L3MBTL3: variants seen among roughly 807,000 people sequenced by gnomAD.
The protein encoded by L3MBTL3 is lethal(3)malignant brain tumor-like protein 3.
L3MBTL3 carries 27 observed loss-of-function variants against 102.3 expected under a neutral mutation model. The observed-to-expected ratio is 0.26, with a 90% confidence interval of 0.19 to 0.36. The LOEUF is 0.36. Among genes scored for constraint, L3MBTL3 ranks in the 10% least tolerant of loss-of-function variants. The probability of loss-of-function intolerance (pLI) is 1.00; values close to 1 mark genes in which losing one functional copy is unlikely to be tolerated. For synonymous variants in L3MBTL3, 340 were observed against 320.9 expected, an observed-to-expected ratio of 1.06 and a Z score of -0.64; for missense variants, 798 against 955.3, an observed-to-expected ratio of 0.84 and a Z score of 2.17.
At chr6:130,021,680 A>G (rs944761304) in intron 1 of L3MBTL3, among the ~76,000 whole-genome samples, 2 of 152,192 alleles carry the variant, frequency 1.3e-5, no homozygotes, top group African/African-American at 2.4e-5. Context: ...TGAGCTGTTC[A>G]TTTTACTGTC....
At chr6:130,067,926 C>T (rs1002284298) in intron 11 of L3MBTL3, among the ~76,000 whole-genome samples, 2 of 152,118 alleles carry the variant, frequency 1.3e-5, no homozygotes, top group Admixed American at 6.5e-5. Context: ...ATTATTTCCA[C>T]CTTTCCACTT....
rs147285850 is a variant in L3MBTL3 at position 130,133,490 on chromosome 6, C to T, written c.2005C>T (p.Arg669Trp). Reference protein sequence around the residue: ...EEPTVQQAQRRSAVFLSFKSP... With the variant: ...EEPTVQQAQRWSAVFLSFKSP... ...ACCCACCGTCCAGCAGGCACAGCGT[C>T]GGTCAGCTGTCTTTCTGTCCTTTAA... The change falls in exon 21 of 23, where the codon CGG (arginine) becomes TGG (tryptophan). Residue 669 changes from arginine to tryptophan, a missense_variant. Arg to Trp is a moderately radical substitution (Grantham distance 101). Coordinates refer to ENST00000361794, the MANE Select transcript of L3MBTL3 (RefSeq NM_032438.4). This position sits in a 1 kb window ranked among gnomAD's most constrained non-coding sequence, Gnocchi z 4.9. The T allele has an allele frequency of 2.5e-6, 4 of 1,614,136 alleles. No homozygotes were observed. Among genetic ancestry groups the T allele is most frequent in the East Asian group, 2.2e-5 (1 of 44,884 alleles).
At chr6:130,071,177 T>A (rs750238186) in intron 13 of L3MBTL3, 50 bp downstream of exon 13, 25 of 1,534,696 alleles carry the variant, frequency 1.6e-5, no homozygotes, top group Non-Finnish European at 2.1e-5. Context: ...TTTATCCAAG[T>A]AAATGGTTTG....
chr6:130,058,980 A>T (rs1185691894), intron 9 of L3MBTL3, among the ~76,000 whole-genome samples: 1 of 152,224 alleles, frequency 6.6e-6, no homozygotes, highest in African/African-American at 2.4e-5. Flanking sequence ...CTGCATTAAG[A>T]ATATTTAATT....
chr6:130,133,488 G>A lies in L3MBTL3; in HGVS notation c.2003G>A (p.Arg668His), dbSNP rs1199384342. Residue 668 changes from arginine to histidine, a missense_variant, in exon 21 of 23, where the codon CGT (arginine) becomes CAT (histidine). By Grantham distance (29) the Arg-to-His change is conservative. Around this residue, in one of 4 missense-constraint regions of L3MBTL3, gnomAD observed 306 missense variants for 314.4 expected, o/e 0.97. Transcript: ENST00000361794. This position sits in a 1 kb window ranked among gnomAD's most constrained non-coding sequence, Gnocchi z 4.9. ...GAACCCACCGTCCAGCAGGCACAGC[G>A]TCGGTCAGCTGTCTTTCTGTCCTTT... is the stretch of plus-strand genomic sequence containing the variant. ...REEPTVQQAQ[R>H]RSAVFLSFKS... is the part of the protein sequence containing the mutation. The A allele has an allele frequency of 9.3e-6, 15 of 1,614,018 alleles. No individual in the cohort carries two copies. Among genetic ancestry groups the A allele is most frequent in the Middle Eastern group, 1.6e-4 (1 of 6,070 alleles).
chr6:130,078,707 C>T, intron 14 of L3MBTL3, 73 bp downstream of exon 14: 3 of 992,952 alleles, frequency 3.0e-6, no homozygotes, highest in Non-Finnish European at 4.7e-6. Flanking sequence ...TGTAAAGGGC[C>T]AGATAGTAAA....
At chr6:130,092,644 C>T (rs1480072627) in intron 16 of L3MBTL3, 101 bp from the exon 17 acceptor site, 3 of 649,588 alleles carry the variant, frequency 4.6e-6, no homozygotes, top group Non-Finnish European at 8.3e-6. Context: ...TTTAAATCTA[C>T]TGTATGTGTT....
chr6:130,039,106 A>G (rs781736047), intron 2 of L3MBTL3, among the ~76,000 whole-genome samples: 6 of 152,168 alleles, frequency 3.9e-5, no homozygotes, highest in African/African-American at 1.4e-4. Flanking sequence ...TCAAGCATAT[A>G]CAAAACTAGG....
chr6:130,020,623 G>C (rs963454685), intron 1 of L3MBTL3: 2 of 152,036 alleles, frequency 1.3e-5, no homozygotes, highest in African/African-American at 4.8e-5. Flanking sequence ...CGCTTTCCAG[G>C]GCGCGGGGAC....
chr6:130,092,889 T>C lies in L3MBTL3; in HGVS notation c.1633+30T>C, dbSNP rs1329555571. 4.7e-6 allele frequency: 6 copies of C among 1,270,758 alleles called. No homozygotes were observed. In the South Asian group the frequency reaches 7.2e-5, roughly 15 times the overall value. 78.7% of individuals were successfully genotyped at this position (1,270,758 alleles called of 1,614,324 possible). A position where few individuals can be genotyped will look rare whatever the true frequency, so the allele number is the denominator to read the frequency against. On this transcript the variant is annotated intron_variant, in intron 17 of 22. Transcript: ENST00000361794. Reference sequence around the variant, plus strand: ...GAGACACGAATAGCTTGTATAAATGTTTCCATTTCCATATGTAGCATTCTT... The same window carrying C: ...GAGACACGAATAGCTTGTATAAATGCTTCCATTTCCATATGTAGCATTCTT...
At chr6:130,026,034 T>C (rs1242442481) in intron 2 of L3MBTL3, among the ~76,000 whole-genome samples, 1 of 152,088 alleles carries the variant, frequency 6.6e-6, no homozygotes, top group Non-Finnish European at 1.5e-5. Context: ...GTAGACACTG[T>C]GATGGCATCT....
At chr6:130,025,052 C>T (rs1779255857) in intron 2 of L3MBTL3, among the ~76,000 whole-genome samples, 1 of 152,100 alleles carries the variant, frequency 6.6e-6, no homozygotes, top group Admixed American at 6.5e-5. Context: ...TAGCAAGAGT[C>T]TAGCAAGATG....
chr6:130,070,335 A>G (rs940218748), intron 12 of L3MBTL3, among the ~76,000 whole-genome samples: 3 of 152,180 alleles, frequency 2.0e-5, no homozygotes, highest in Non-Finnish European at 2.9e-5. Flanking sequence ...ATGACTGGTT[A>G]TCTGTGGATT....
At chr6:130,095,150 A>G (rs563417045) in intron 18 of L3MBTL3, among the ~76,000 whole-genome samples, 1 of 152,350 alleles carries the variant, frequency 6.6e-6, no homozygotes, top group Admixed American at 6.5e-5. Flanking sequence ...ATTTGTCGGT[A>G]TAATGTTCTA....
At chr6:130,136,256 A>G (rs1342296716) in intron 22 of L3MBTL3, among the ~76,000 whole-genome samples, 1 of 152,190 alleles carries the variant, frequency 6.6e-6, no homozygotes, top group Non-Finnish European at 1.5e-5. Context: ...TCCTCTGTTC[A>G]GGTCCTTCCA....
intron 13 of L3MBTL3, among the ~76,000 whole-genome samples, chr6:130,074,910 G>T (rs948143485): frequency 7.2e-5 from 11 of 152,190 alleles, no homozygotes; most frequent in African/African-American, 1.9e-4. Flanking sequence ...CTGATTGCCT[G>T]TAAGTGTAGT....
chr6:130,086,424 T>C (rs903044119), intron 16 of L3MBTL3, among the ~76,000 whole-genome samples, 174 bp downstream of exon 16: 2 of 152,230 alleles, frequency 1.3e-5, no homozygotes, highest in African/African-American at 4.8e-5. Context: ...TGTCCTTTAA[T>C]CTGCATAAAA....
rs1221338284 is a variant in L3MBTL3 at position 130,141,234 on chromosome 6, G to C, written c.*1481G>C. The C allele has an allele frequency of 6.6e-6, 1 of 152,180 alleles. No individual in the cohort carries two copies. The highest frequency in any genetic ancestry group is 6.5e-5 in the Admixed American group (1 of 15,272). 9.4% of individuals were successfully genotyped at this position (152,180 alleles called of 1,614,324 possible). ...AGGACTTCCTTTGATATCCCTGTTG[G>C]AAGTCCATTAGCAGTCCTTTGCATT... On this transcript the variant is annotated 3_prime_UTR_variant, in exon 23 of 23. Transcript: ENST00000361794.
At position 130,139,636 on chromosome 6, in the gene L3MBTL3, T is replaced by A. The variant is rs1788096570; in HGVS notation, c.2226T>A (p.Leu742=). The A allele has an allele frequency of 6.2e-7, 1 of 1,613,226 alleles. No homozygotes were observed. The highest frequency in any genetic ancestry group is 1.3e-5 in the African/African-American group (1 of 74,928). The change falls in exon 23 of 23, where the codon CTT becomes CTA. Residue 742 remains leucine, a synonymous_variant. Transcript: ENST00000361794. The part of the protein sequence containing the change: ...DEQIDGEAFL[L]MTQTDIVKIM... ...AAATTGATGGAGAAGCATTTCTACT[T>A]ATGACTCAAACAGACATTGTTAAAA...
Sources: allele counts gnomAD v4.1 joint callset (sites outside exome capture counted in the v4.1 genomes callset), GRCh38; gene constraint gnomAD v4.1.1; regional missense constraint gnomAD v4.1.1; non-coding constraint Gnocchi (gnomAD v3.1); transcripts MANE v1.5; gene names NCBI Gene and HGNC (gene_info 2026-07-23, HGNC 2026-07-21).